The following CCDC27 variants were observed in gnomAD, a reference collection of about 807,000 sequenced individuals.
The protein encoded by CCDC27 is coiled-coil domain-containing protein 27.
A neutral mutation model predicts 80.3 loss-of-function variants in CCDC27; 80 were observed. The ratio of observed to expected loss-of-function variants is 1.00; its 90% CI spans 0.83 to 1.20. CCDC27 has a LOEUF of 1.20. CCDC27 is among the 50% of genes most tolerant of loss of function. The probability of loss-of-function intolerance (pLI) is 0.00; values close to 1 mark genes in which losing one functional copy is unlikely to be tolerated. For synonymous variants in CCDC27, 342 were observed against 334.3 expected (o/e 1.02, Z -0.25); for missense variants, 815 against 809.4 (o/e 1.01, Z -0.08).
chr1:3,770,453 T>G (rs534424016), intron 11 of CCDC27, among the ~76,000 whole-genome samples: 1 of 152,308 alleles, frequency 6.6e-6, no homozygotes, highest in East Asian at 1.9e-4. Context: ...ACACACTCAC[T>G]TTTCTGAGCC....
At chr1:3,770,683 C>T (rs1468669327) in intron 11 of CCDC27, among the ~76,000 whole-genome samples, 6 of 152,190 alleles carry the variant, frequency 3.9e-5, no homozygotes, top group African/African-American at 9.7e-5. Flanking sequence ...CCAGCACCCA[C>T]GTTCCTGGGG....
chr1:3,752,831 G>A (rs1265913027), intron 1 of CCDC27, 32 bp downstream of exon 1: 5 of 1,590,930 alleles, frequency 3.1e-6, no homozygotes, highest in Non-Finnish European at 4.3e-6. Flanking sequence ...GCTGCCACGA[G>A]CCTTGAGGTG....
At position 3,756,834 on chromosome 1, in the gene CCDC27, T is replaced by G; in HGVS notation, c.655T>G (p.Ser219Ala). The part of the protein sequence containing the change: ...LSPVTSSSVA[S>A]QSCLRKRMPW... The stretch of plus-strand genomic sequence containing the variant: ...TCCGGTCACCAGCAGCTCAGTCGCA[T>G]CTCAGAGCTGCCTGAGAAAGAGGAT... The change falls in exon 4 of 12, where the codon TCT becomes GCT. Residue 219 changes from serine to alanine, a missense_variant. Physicochemically the swap from Ser to Ala is moderately conservative, Grantham distance 99 (BLOSUM62 1). Coordinates refer to ENST00000294600, the MANE Select transcript of CCDC27 (RefSeq NM_152492.3). 1 of 1,613,970 alleles carries G rather than the reference T, an allele frequency of 6.2e-7. No individual in the cohort carries two copies. Among genetic ancestry groups the G allele is most frequent in the Admixed American group, 1.7e-5 (1 of 60,018 alleles).
In CCDC27 at chr1:3,766,916, C is replaced by G. The variant is rs968761125; in HGVS notation, c.1530+304C>G. 6.8e-6 allele frequency among the ~76,000 whole-genome samples: 1 copy of G among 148,060 alleles called. No individual in the cohort carries two copies. The highest frequency in any genetic ancestry group is 2.1e-4 in the East Asian group (1 of 4,792). On this transcript the variant is annotated intron_variant, in intron 9 of 11. Coordinates refer to ENST00000294600, the MANE Select transcript of CCDC27 (RefSeq NM_152492.3). This position sits in a 1 kb window ranked among gnomAD's most constrained non-coding sequence, Gnocchi z 6.1. The stretch of plus-strand genomic sequence containing the variant: ...AGTGCAGTGGTGTGATCTCAGCTCA[C>G]TGCAACCTCCGCCTCCTGGGTTCAA...
At chr1:3,755,656 G>A (rs1429720276) in intron 3 of CCDC27, 89 bp downstream of exon 3, 25 of 1,115,822 alleles carry the variant, frequency 2.2e-5, no homozygotes, top group African/African-American at 4.6e-5. Flanking sequence ...TGTGCCCTGC[G>A]GAATTCCCTC....
intron 3 of CCDC27, 43 bp from the exon 4 acceptor site, chr1:3,756,690 G>T: frequency 6.2e-7 from 1 of 1,608,468 alleles, no homozygotes; most frequent in South Asian, 1.1e-5. Context: ...GAGCTCGGCA[G>T]GGAAGGGTCT....
In CCDC27 at chr1:3,763,851, A is replaced by G; in HGVS notation, c.1452+15A>G. ...TGACCGACAAGGTGGCCGTGCGCTCAGTACCGGCCTCCGCTCCATGAGCAT... is the reference window on the plus strand; with the variant it reads ...TGACCGACAAGGTGGCCGTGCGCTCGGTACCGGCCTCCGCTCCATGAGCAT... On this transcript the variant is annotated intron_variant, in intron 8 of 11. Transcript: ENST00000294600. The surrounding 1 kb of genome is among the most constrained non-coding windows in gnomAD (Gnocchi z 7.5). 6.2e-7 allele frequency: 1 copy of G among 1,612,832 alleles called. No homozygotes were observed. The highest frequency in any genetic ancestry group is 1.1e-5 in the South Asian group (1 of 91,004).
chr1:3,769,904 A>C lies in CCDC27; in HGVS notation c.1848+17A>C. The C allele has an allele frequency of 2.3e-5, 37 of 1,591,782 alleles. No homozygotes were observed. Among genetic ancestry groups the C allele is most frequent in the Non-Finnish European group, 2.9e-5 (34 of 1,159,700 alleles). On this transcript the variant is annotated intron_variant, in intron 11 of 11. Transcript: ENST00000294600. The surrounding 1 kb of genome is among the most constrained non-coding windows in gnomAD (Gnocchi z 4.6). ...GCCCTGCAGGTATACCCCTAAGCTC[A>C]GCTGCCTCTATCCGGGCCCCAGACC... is the stretch of plus-strand genomic sequence containing the variant.
intron 1 of CCDC27, 66 bp downstream of exon 1, chr1:3,752,865 G>C: frequency 6.6e-7 from 1 of 1,506,092 alleles, no homozygotes; most frequent in Non-Finnish European, 9.0e-7. Flanking sequence ...CCTCCCCAAA[G>C]GCCCATAGAG....
At position 3,763,477 on chromosome 1, in the gene CCDC27, AG is replaced by A; in HGVS notation, c.1321+6del. ...GACCAGATACTCCCTTGCAACAGGT[AG>A]GGCCTCGGCGGGGGGCACTGGGCTT... On this transcript the variant is annotated splice_donor_region_variant and intron_variant, in intron 7 of 11. Transcript: ENST00000294600. The surrounding 1 kb of genome is among the most constrained non-coding windows in gnomAD (Gnocchi z 7.5). 6.3e-7 allele frequency: 1 copy of A among 1,588,916 alleles called. No individual in the cohort carries two copies. Among genetic ancestry groups the A allele is most frequent in the Non-Finnish European group, 8.6e-7 (1 of 1,167,502 alleles).
chr1:3,758,923 A>G (rs778926277), intron 4 of CCDC27, among the ~76,000 whole-genome samples: 1 of 152,128 alleles, frequency 6.6e-6, no homozygotes, highest in Non-Finnish European at 1.5e-5. Context: ...TAAAAATCAC[A>G]AATTAGGCCA....
rs745496247 is a variant in CCDC27, at chr1:3,763,428, C to T, written c.1275C>T (p.Phe425=). Residue 425 remains phenylalanine, a synonymous_variant, in exon 7 of 12, where the codon TTC becomes TTT. Transcript: ENST00000294600. This position sits in a 1 kb window ranked among gnomAD's most constrained non-coding sequence, Gnocchi z 7.5. ...AGTACGAGCAGGTCATCCTGGACTT[C>T]CAGTTCAACCTGGAGGCCACCAGGA... ...LEEYEQVILD[F]QFNLEATRTR... is the part of the protein sequence containing the mutation. 8 of 1,611,392 alleles carry T rather than the reference C, an allele frequency of 5.0e-6. No homozygotes were observed. The South Asian group carries it at 7.7e-5, about 16-fold the overall frequency.
At chr1:3,767,866 T>C (rs1209746960) in intron 10 of CCDC27, among the ~76,000 whole-genome samples, 1 of 152,206 alleles carries the variant, frequency 6.6e-6, no homozygotes, top group East Asian at 1.9e-4. Context: ...ATGTAGCTCC[T>C]TTAACCAGAC....
rs900174008 is a variant in CCDC27, at chr1:3,756,835, C to T, written c.656C>T (p.Ser219Phe). ...LSPVTSSSVA[S>F]QSCLRKRMPW... is the part of the protein sequence containing the mutation. The stretch of plus-strand genomic sequence containing the variant: ...CCGGTCACCAGCAGCTCAGTCGCAT[C>T]TCAGAGCTGCCTGAGAAAGAGGATG... The change falls in exon 4 of 12, where the codon TCT becomes TTT. Residue 219 changes from serine to phenylalanine, a missense_variant. By Grantham distance (155) the Ser-to-Phe change is radical. Coordinates refer to ENST00000294600, the MANE Select transcript of CCDC27 (RefSeq NM_152492.3). 5 of 1,613,850 alleles carry T rather than the reference C, an allele frequency of 3.1e-6. No individual in the cohort carries two copies. The Admixed American group carries it at 6.7e-5, about 22-fold the overall frequency.
At chr1:3,770,797 G>A (rs1198620312) in intron 11 of CCDC27, among the ~76,000 whole-genome samples, 1 of 145,724 alleles carries the variant, frequency 6.9e-6, no homozygotes, top group African/African-American at 2.7e-5. Context: ...GTTGTCTGGG[G>A]GAGGGGAGGA....
Position 3,767,326 on chromosome 1 carries a change from C to G in CCDC27, c.1624C>G (p.Leu542Val), listed in dbSNP as rs1269413307. The G allele has an allele frequency of 2.5e-6, 4 of 1,614,018 alleles. No individual in the cohort carries two copies. The highest frequency in any genetic ancestry group is 3.4e-6 in the Non-Finnish European group (4 of 1,180,014). Residue 542 changes from leucine (L) to valine (V), a missense_variant, in exon 10 of 12, where the codon CTG becomes GTG. By Grantham distance (32) the Leu-to-Val change is conservative (BLOSUM62 1). Coordinates refer to ENST00000294600, the MANE Select transcript of CCDC27 (RefSeq NM_152492.3). ...CAGCCAGCTGCAGGAGCAGGTGGAA[C>G]TGGACCAGAACCACCTGCAGAGGTG... ...KVSQLQEQVE[L>V]DQNHLQRWKQ...
At chr1:3,756,221 A>T (rs554779881) in intron 3 of CCDC27, 1 of 155,058 alleles carries the variant, frequency 6.4e-6, no homozygotes, top group Non-Finnish European at 1.4e-5. Context: ...GGCACCTGTA[A>T]TCCCAGCTAC....
rs1643289717 is a variant in CCDC27 at position 3,768,652 on chromosome 1, G to A, written c.1744-1131G>A. ...TCTAGGTGTGTCCATTTGTGCGCCA[G>A]CCTGCACTGACCTGGTGGAGCCTGG... On this transcript the variant is annotated intron_variant, in intron 10 of 11. Transcript: ENST00000294600. This position sits in a 1 kb window ranked among gnomAD's most constrained non-coding sequence, Gnocchi z 5.6. 2.6e-5 allele frequency among the ~76,000 whole-genome samples: 4 copies of A among 152,202 alleles called. No individual in the cohort carries two copies. The highest frequency in any genetic ancestry group is 1.5e-5 in the Non-Finnish European group (1 of 68,046).
At chr1:3,755,891 C>T (rs1642940506) in intron 3 of CCDC27, 1 of 288,196 alleles carries the variant, frequency 3.5e-6, no homozygotes, top group Admixed American at 4.2e-5. Flanking sequence ...GACACTGCTC[C>T]CGCAGACAGG....
Sources: gnomAD v4.1 joint callset for allele counts (sites outside exome capture counted in the v4.1 genomes callset) on GRCh38, gnomAD v4.1.1 for gene constraint, Gnocchi (gnomAD v3.1) non-coding constraint, MANE v1.5 for transcripts, NCBI Gene and HGNC (gene_info 2026-07-23, HGNC 2026-07-21) for gene names.